The following COCH variants were observed in gnomAD, a reference collection of about 807,000 sequenced individuals.
COCH encodes the protein cochlin.
Under a neutral mutation model 54.8 loss-of-function variants are expected in COCH, and 40 were observed. That is an observed-to-expected ratio of 0.73 (90% CI 0.57 to 0.95). The LOEUF (loss-of-function observed/expected upper bound fraction) is 0.95. Among genes scored for constraint, COCH ranks in the 40% least tolerant of loss-of-function variants. The pLI, the probability that COCH is intolerant of heterozygous loss-of-function variation, is 0.00. For synonymous variants in COCH, 256 were observed against 237.9 expected, an observed-to-expected ratio of 1.08 and a Z score of -0.70; for missense variants, 605 against 675.0, an observed-to-expected ratio of 0.90 and a Z score of 1.15.
chr14:30,881,226 A>AG (rs1895573804), intron 8 of COCH, among the ~76,000 whole-genome samples: 1 of 151,928 alleles, frequency 6.6e-6, no homozygotes, highest in South Asian at 2.1e-4. Context: ...AAAAAAAAAA[A>AG]AAAAGAAAAA....
At chr14:30,876,899 A>G (rs1436892441) in intron 3 of COCH, among the ~76,000 whole-genome samples, 2 of 152,108 alleles carry the variant, frequency 1.3e-5, no homozygotes, top group Non-Finnish European at 2.9e-5. Context: ...CCCGGGCTCA[A>G]GCAATCCTCC....
chr14:30,878,759 G>T, intron 4 of COCH, 52 bp from the exon 5 acceptor site: 1 of 1,613,460 alleles, frequency 6.2e-7, no homozygotes, highest in Non-Finnish European at 8.5e-7. Flanking sequence ...AAGTCAGTGG[G>T]ATGCCCTGAA....
intron 8 of COCH, among the ~76,000 whole-genome samples, chr14:30,881,470 C>T (rs749343885): frequency 3.9e-5 from 6 of 152,152 alleles, no homozygotes; most frequent in Non-Finnish European, 7.3e-5. Context: ...AGAAGGTAGA[C>T]TGGAGAGTCC....
At chr14:30,876,485 T>C (rs1045086496) in intron 3 of COCH, 5 of 152,218 alleles carry the variant, frequency 3.3e-5, no homozygotes, top group African/African-American at 1.2e-4. Context: ...CACTTTTCTG[T>C]TTTCTGTCCT....
At chr14:30,885,039 G>A in intron 9 of COCH, 2 of 1,597,780 alleles carry the variant, frequency 1.3e-6, no homozygotes, top group Non-Finnish European at 1.7e-6. Context: ...AGACTTCTTA[G>A]AGGTACTAAT....
chr14:30,894,773 A>G (rs552147823), downstream of COCH: 2 of 225,524 alleles, frequency 8.9e-6, no homozygotes, highest in South Asian at 1.2e-4. Flanking sequence ...AAAAACTTCA[A>G]TACAATCTTG....
downstream of COCH, among the ~76,000 whole-genome samples, chr14:30,891,375 T>C (rs1354229674): frequency 2.0e-5 from 3 of 152,178 alleles, no homozygotes; most frequent in Non-Finnish European, 4.4e-5. Flanking sequence ...CTGAAATGTG[T>C]TAACTGGTTA....
At chr14:30,887,037 G>T (rs1895814472) in intron 11 of COCH, among the ~76,000 whole-genome samples, 1 of 152,056 alleles carries the variant, frequency 6.6e-6, no homozygotes, top group Non-Finnish European at 1.5e-5. Flanking sequence ...TTTTATTTTA[G>T]TCAAGTTTTG....
downstream of COCH, among the ~76,000 whole-genome samples, chr14:30,892,431 G>A (rs1406839455): frequency 6.6e-6 from 1 of 152,150 alleles, no homozygotes; most frequent in African/African-American, 2.4e-5. Context: ...AGAAGAAACA[G>A]AAGAGGAGAA....
chr14:30,890,479 C>A lies in COCH; in HGVS notation c.*688C>A. On this transcript the variant is annotated 3_prime_UTR_variant, in exon 12 of 12. Transcript: ENST00000396618. ...ATATTTGGCTTATATTCTAAGTCACCTAAGTACTTAAAAGTTAAGTTGGTA... is the reference window on the plus strand; with the variant it reads ...ATATTTGGCTTATATTCTAAGTCACATAAGTACTTAAAAGTTAAGTTGGTA... 1.1e-6 allele frequency: 1 copy of A among 937,804 alleles called. No homozygotes were observed. Among genetic ancestry groups the A allele is most frequent in the Non-Finnish European group, 1.3e-6 (1 of 786,638 alleles). 58.1% of individuals were successfully genotyped at this position (937,804 alleles called of 1,614,324 possible). A position where few individuals can be genotyped will look rare whatever the true frequency, so the allele number is the denominator to read the frequency against.
downstream of COCH, among the ~76,000 whole-genome samples, chr14:30,891,518 T>TA (rs1895982022): frequency 6.6e-6 from 1 of 152,192 alleles, no homozygotes; most frequent in Non-Finnish European, 1.5e-5. Context: ...AATTTGAAAA[T>TA]AGAGTTTGAG....
downstream of COCH, among the ~76,000 whole-genome samples, chr14:30,893,127 ATTACAAACGGCAAAAACCACAATTTTTTT>A (rs1455167460): frequency 1.4e-5 from 2 of 139,578 alleles, no homozygotes; most frequent in Non-Finnish European, 3.2e-5. Context: ...AAAAACCACA[ATTACAAACGGCAAAAACCACAATTTTTTT>A]TTTTTTTTTT....
chr14:30,878,747 A>T (rs1286310447), intron 4 of COCH, 64 bp from the exon 5 acceptor site: 25 of 1,611,498 alleles, frequency 1.6e-5, no homozygotes, highest in Non-Finnish European at 2.1e-5. Flanking sequence ...ACATGGCACT[A>T]TAAGTCAGTG....
chr14:30,890,893 G>T (rs1895960305), downstream of COCH, among the ~76,000 whole-genome samples: 1 of 151,882 alleles, frequency 6.6e-6, no homozygotes, highest in African/African-American at 2.4e-5. Context: ...AAAAAAATTA[G>T]CCGGGTGGGA....
In COCH at chr14:30,884,912, A is replaced by G. The variant is rs1473801305; in HGVS notation, c.733+256A>G. 4 of 1,595,998 alleles carry G rather than the reference A, an allele frequency of 2.5e-6. No homozygotes were observed. The African/African-American group carries it at 4.0e-5, about 16-fold the overall frequency. ...TTCTCATACATTGGATTGACTAGATATAACATTGGAGAAGTATCTCTTTGT... is the reference window on the plus strand; with the variant it reads ...TTCTCATACATTGGATTGACTAGATGTAACATTGGAGAAGTATCTCTTTGT... On this transcript the variant is annotated intron_variant, in intron 9 of 11. Transcript: ENST00000396618.
chr14:30,884,745 G>A (rs1594382778), intron 9 of COCH, 89 bp downstream of exon 9: 1 of 1,287,106 alleles, frequency 7.8e-7, no homozygotes, highest in Non-Finnish European at 1.1e-6. Flanking sequence ...TTTTATATGA[G>A]CAGATGTGAA....
chr14:30,887,415 A>G lies in COCH; in HGVS notation c.1477+1103A>G, dbSNP rs2138883875. ...TCTCAAAAAGAAAAAAAAAAAAAAA[A>G]AAAAACTTTTTCCCCCCCGCTTAAG... On this transcript the variant is annotated intron_variant, in intron 11 of 11. Coordinates refer to ENST00000396618, the MANE Select transcript of COCH (RefSeq NM_004086.3). 2.8e-5 allele frequency among the ~76,000 whole-genome samples: 4 copies of G among 142,744 alleles called. No individual in the cohort carries two copies. The Middle Eastern group carries it at 0.014, about 510-fold the overall frequency. The allele number at this position is 142,744 out of a possible 152,430, so 93.6% of individuals were successfully genotyped here.
chr14:30,881,802 C>CAAAA (rs74318936), intron 8 of COCH, among the ~76,000 whole-genome samples: 2 of 144,748 alleles, frequency 1.4e-5, no homozygotes, highest in African/African-American at 5.0e-5. Context: ...ACTAAAAATA[C>CAAAA]AAAAAAAAAA....
At chr14:30,891,356 C>T (rs928411684), downstream of COCH, among the ~76,000 whole-genome samples, 2 of 152,134 alleles carry the variant, frequency 1.3e-5, no homozygotes, top group African/African-American at 4.8e-5. Context: ...TCTCATCCAC[C>T]TAAGCCCCCT....
Sources: allele counts gnomAD v4.1 joint callset (sites outside exome capture counted in the v4.1 genomes callset), GRCh38; gene constraint gnomAD v4.1.1; transcripts MANE v1.5; gene names NCBI Gene and HGNC (gene_info 2026-07-23, HGNC 2026-07-21).